Variants in RBFOX1 observed in about 807,000 individuals in gnomAD.
The protein encoded by RBFOX1 is RNA binding protein fox-1 homolog 1.
In RBFOX1, 8 loss-of-function variants were observed where a neutral mutation model predicts 57.7. The ratio of observed to expected loss-of-function variants is 0.14; its 90% CI spans 0.08 to 0.25. The LOEUF (loss-of-function observed/expected upper bound fraction) is 0.25. Ranked by LOEUF, RBFOX1 falls within the 10% of genes least tolerant of loss-of-function variation. The pLI, the probability that RBFOX1 is intolerant of heterozygous loss-of-function variation, is 1.00. For synonymous variants in RBFOX1, 326 were observed against 222.4 expected (o/e 1.47, Z -4.15); for missense variants, 611 against 548.5 (o/e 1.11, Z -1.14).
intron 4 of RBFOX1, among the ~76,000 whole-genome samples, chr16:7,133,947 G>A (rs967759622): frequency 6.6e-6 from 1 of 152,130 alleles, no homozygotes; most frequent in Non-Finnish European, 1.5e-5. Context: ...TAATATGTCA[G>A]GGTATTTGTC....
At chr16:6,089,690 G>C (rs1426412236) in intron 1 of RBFOX1, among the ~76,000 whole-genome samples, 1 of 152,194 alleles carries the variant, frequency 6.6e-6, no homozygotes, top group East Asian at 1.9e-4. Context: ...TTAGCTGGTG[G>C]AGGCCTTGGG....
At chr16:6,483,121 A>G (rs2095400097) in intron 2 of RBFOX1, 1 of 1,037,856 alleles carries the variant, frequency 9.6e-7, no homozygotes, top group Non-Finnish European at 1.2e-6. Flanking sequence ...CCCAGTATCC[A>G]CTGCCTTCCC....
At chr16:7,234,960 A>G (rs1002612602) in intron 4 of RBFOX1, among the ~76,000 whole-genome samples, 3 of 152,144 alleles carry the variant, frequency 2.0e-5, no homozygotes, top group South Asian at 2.1e-4. Flanking sequence ...TGTAGCTTGG[A>G]TCCAAGAAAT....
intron 4 of RBFOX1, among the ~76,000 whole-genome samples, chr16:7,352,183 T>C (rs1055137255): frequency 6.6e-6 from 1 of 152,174 alleles, no homozygotes; most frequent in Admixed American, 6.5e-5. Flanking sequence ...CTTTGCAGCA[T>C]GGCAGATTTG....
chr16:5,783,954 T>A (rs1331137103), intron 3 of RBFOX1, among the ~76,000 whole-genome samples: 1 of 152,094 alleles, frequency 6.6e-6, no homozygotes, highest in Non-Finnish European at 1.5e-5. Flanking sequence ...TATTAGGAGG[T>A]AAGTATATTC....
rs1326810795 is a variant in RBFOX1 at position 7,047,666 on chromosome 16, T to A, written c.-15-4391T>A. On this transcript the variant is annotated intron_variant, in intron 3 of 15. Coordinates refer to ENST00000550418, the MANE Select transcript of RBFOX1 (RefSeq NM_018723.4). ...TTATCCTTATATTCTAGAATTTCAG[T>A]AACATGAAATATTGTACGTTTTGAT... 2.0e-5 allele frequency among the ~76,000 whole-genome samples: 3 copies of A among 150,738 alleles called. 1 individual carries two copies. Among genetic ancestry groups the A allele is most frequent in the Non-Finnish European group, 4.4e-5 (3 of 67,748 alleles).
chr16:7,184,032 G>C (rs2083243838), intron 4 of RBFOX1, among the ~76,000 whole-genome samples: 2 of 152,224 alleles, frequency 1.3e-5, no homozygotes, highest in Non-Finnish European at 2.9e-5. Context: ...GATGGCTGGA[G>C]GTGGCCTAAA....
intron 3 of RBFOX1, among the ~76,000 whole-genome samples, chr16:6,732,360 G>A (rs2068843649): frequency 6.6e-6 from 1 of 152,204 alleles, no homozygotes; most frequent in Non-Finnish European, 1.5e-5. Context: ...TCTGACAGAT[G>A]CAGCATTCCT....
chr16:7,371,903 C>T (rs1308007543), intron 4 of RBFOX1, among the ~76,000 whole-genome samples: 2 of 152,070 alleles, frequency 1.3e-5, no homozygotes, highest in African/African-American at 4.8e-5. Flanking sequence ...GCCATGGAGC[C>T]TCCTTCAGTT....
intron 5 of RBFOX1, among the ~76,000 whole-genome samples, chr16:7,567,435 A>ATATATATATATCCCTATGTATGGCCC (rs1567866769): frequency 7.8e-6 from 1 of 127,478 alleles, no homozygotes; most frequent in East Asian, 2.4e-4. Context: ...GTATGGCCCT[A>ATATATATATATCCCTATGTATGGCCC]TATATATATA....
At chr16:7,443,417 A>T (rs1021753018) in intron 4 of RBFOX1, among the ~76,000 whole-genome samples, 3 of 151,636 alleles carry the variant, frequency 2.0e-5, no homozygotes, top group African/African-American at 7.3e-5. Context: ...CTCTGGCTTC[A>T]AGAGCTCCCC....
intron 1 of RBFOX1, among the ~76,000 whole-genome samples, chr16:5,316,926 C>G (rs2151237160): frequency 6.6e-6 from 1 of 152,130 alleles, no homozygotes; most frequent in East Asian, 1.9e-4. Flanking sequence ...CTCAGAGGAA[C>G]AAAAAGGTAA....
intron 14 of RBFOX1, among the ~76,000 whole-genome samples, chr16:7,688,090 C>G (rs941453211): frequency 6.6e-6 from 1 of 152,006 alleles, no homozygotes; most frequent in African/African-American, 2.4e-5. Flanking sequence ...CAACAGATAT[C>G]CCAATACGTA....
At chr16:7,380,637 G>C (rs1217237843) in intron 4 of RBFOX1, among the ~76,000 whole-genome samples, 2 of 152,210 alleles carry the variant, frequency 1.3e-5, no homozygotes, top group Non-Finnish European at 2.9e-5. Flanking sequence ...GCTGGCAGCA[G>C]CTCACACCGC....
At chr16:7,481,214 G>T (rs2063857796) in intron 4 of RBFOX1, among the ~76,000 whole-genome samples, 1 of 152,148 alleles carries the variant, frequency 6.6e-6, no homozygotes, top group African/African-American at 2.4e-5. Context: ...TAAGGACTCA[G>T]AAGTACTTGG....
intron 3 of RBFOX1, among the ~76,000 whole-genome samples, chr16:5,665,134 G>A (rs776034111): frequency 9.2e-5 from 13 of 141,104 alleles, no homozygotes; most frequent in African/African-American, 2.8e-4. Context: ...TTTTACATGG[G>A]GGGGGGCGGT....
intron 3 of RBFOX1, among the ~76,000 whole-genome samples, chr16:5,658,398 G>A (rs774205898): frequency 5.3e-5 from 8 of 152,140 alleles, no homozygotes; most frequent in East Asian, 1.9e-4. Context: ...GAGTGGCCAC[G>A]TTCCAGGGTG....
chr16:6,315,015 C>A (rs146490277), intron 1 of RBFOX1, among the ~76,000 whole-genome samples: 2,511 of 152,330 alleles, frequency 0.016, 63 homozygotes, highest in African/African-American at 0.055. Flanking sequence ...GGACTGTAGG[C>A]ACCAAGGGGA....
chr16:6,958,717 G>C (rs2153541147), intron 3 of RBFOX1, among the ~76,000 whole-genome samples: 1 of 152,224 alleles, frequency 6.6e-6, no homozygotes, highest in Middle Eastern at 3.4e-3. Flanking sequence ...CTTCATGTTA[G>C]TTTTATGCCG....
Sources: allele counts gnomAD v4.1 joint callset (sites outside exome capture counted in the v4.1 genomes callset), GRCh38; gene constraint gnomAD v4.1.1; transcripts MANE v1.5; gene names NCBI Gene and HGNC (gene_info 2026-07-23, HGNC 2026-07-21).